Variants in GALNT6 observed in about 807,000 individuals in gnomAD.
GALNT6 encodes polypeptide N-acetylgalactosaminyltransferase 6, also known as GalNAc transferase 6.
GALNT6 carries 51 observed loss-of-function variants against 65.9 expected under a neutral mutation model. The ratio of observed to expected loss-of-function variants is 0.77; its 90% CI spans 0.62 to 0.98. The LOEUF (loss-of-function observed/expected upper bound fraction) is 0.98, where lower values mean the gene tolerates loss of function less well. Among genes scored for constraint, GALNT6 ranks in the 50% least tolerant of loss-of-function variants. GALNT6 has a pLI of 0.00. For synonymous variants in GALNT6, 323 were observed against 315.1 expected (o/e 1.02, Z -0.26); for missense variants, 708 against 803.3 (o/e 0.88, Z 1.43).
chr12:51,356,349 T>TTC (rs1451313108), intron 10 of GALNT6, among the ~76,000 whole-genome samples: 1 of 141,970 alleles, frequency 7.0e-6, no homozygotes, highest in Non-Finnish European at 1.5e-5. Context: ...CCAGTATATT[T>TTC]TCTCTTTTTT....
Position 51,354,284 on chromosome 12 carries a change from C to A in GALNT6, c.*95G>T, listed in dbSNP as rs368190948. ...CAGTGGGTTTAGAAATCCATCTTTA[C>A]GGCCTCCAGAGAAGCTGGTGATCAG... On this transcript the variant is annotated 3_prime_UTR_variant, in exon 12 of 12. Coordinates refer to ENST00000356317, the MANE Select transcript of GALNT6 (RefSeq NM_007210.4). 6 of 667,062 alleles carry A rather than the reference C, an allele frequency of 9.0e-6. No individual in the cohort carries two copies. Among genetic ancestry groups the A allele is most frequent in the Non-Finnish European group, 1.5e-5 (6 of 403,794 alleles). The allele number at this position is 667,062 out of a possible 1,614,324, so 41.3% of individuals were successfully genotyped here.
At position 51,357,346 on chromosome 12, in the gene GALNT6, T is replaced by C; in HGVS notation, c.1602+3A>G. The stretch of plus-strand genomic sequence containing the variant: ...ATGCTCCGGAGATGGGTGGGCTGCA[T>C]ACCTGGTTGCCGCCAAGGCCGTGGC... On this transcript the variant is annotated splice_donor_region_variant and intron_variant, in intron 10 of 11. Transcript: ENST00000356317. 1 of 1,595,466 alleles carries C rather than the reference T, an allele frequency of 6.3e-7. No individual in the cohort carries two copies. Among genetic ancestry groups the C allele is most frequent in the African/African-American group, 1.3e-5 (1 of 74,676 alleles).
Position 51,379,838 on chromosome 12 carries a change from T to C in GALNT6, c.-57A>G. 1 of 1,512,510 alleles carries C rather than the reference T, an allele frequency of 6.6e-7. No homozygotes were observed. Among genetic ancestry groups the C allele is most frequent in the Non-Finnish European group, 8.8e-7 (1 of 1,131,676 alleles). 93.7% of individuals were successfully genotyped at this position (1,512,510 alleles called of 1,614,324 possible). A position where few individuals can be genotyped will look rare whatever the true frequency, so the allele number is the denominator to read the frequency against. Reference sequence around the variant, plus strand: ...CAGCTCTGAGTCCTGAGCCCAACCCTGGAGATAGCTTGATACGTTGTGGTG... The same window carrying C: ...CAGCTCTGAGTCCTGAGCCCAACCCCGGAGATAGCTTGATACGTTGTGGTG... On this transcript the variant is annotated 5_prime_UTR_variant, in exon 3 of 12. Transcript: ENST00000356317.
At chr12:51,377,570 T>C (rs536264607) in intron 3 of GALNT6, among the ~76,000 whole-genome samples, 13 of 152,166 alleles carry the variant, frequency 8.5e-5, no homozygotes, top group Non-Finnish European at 1.6e-4. Context: ...GCACAGGTTC[T>C]AGCCAAACCA....
chr12:51,360,471 T>A (rs1009173216), intron 7 of GALNT6, among the ~76,000 whole-genome samples: 18 of 152,118 alleles, frequency 1.2e-4, no homozygotes, highest in Non-Finnish European at 2.1e-4. Context: ...CAGTCCTCAT[T>A]ACCCCTATTA....
intron 10 of GALNT6, among the ~76,000 whole-genome samples, chr12:51,356,463 G>A (rs958034737): frequency 1.4e-5 from 2 of 145,004 alleles, no homozygotes; most frequent in South Asian, 2.2e-4. Flanking sequence ...TTGTTCAAGC[G>A]ATCCTCCATG....
At chr12:51,376,387 A>C (rs1033836283) in intron 4 of GALNT6, among the ~76,000 whole-genome samples, 7 of 151,822 alleles carry the variant, frequency 4.6e-5, no homozygotes, top group South Asian at 2.1e-4. Context: ...TAATCCCAGC[A>C]CTTTGGGAGG....
At chr12:51,368,762 G>A (rs1481446980) in intron 4 of GALNT6, among the ~76,000 whole-genome samples, 3 of 151,856 alleles carry the variant, frequency 2.0e-5, no homozygotes, top group Admixed American at 6.5e-5. Context: ...ATGACATGGC[G>A]CTCATTTATG....
chr12:51,364,948 C>CT (rs1284327124), intron 5 of GALNT6, among the ~76,000 whole-genome samples: 2 of 152,110 alleles, frequency 1.3e-5, no homozygotes, highest in African/African-American at 4.8e-5. Flanking sequence ...ATTCTGACTC[C>CT]AAGACTAGAG....
Position 51,358,285 on chromosome 12 carries a change from A to G in GALNT6, c.1369-24T>C, listed in dbSNP as rs780138478. ...TTCTGTCAATCAAGCCAGCCCCCTA[A>G]GGATCAGTTCCACCAGTTTTTTTTT... On this transcript the variant is annotated intron_variant, in intron 8 of 11. Coordinates refer to ENST00000356317, the MANE Select transcript of GALNT6 (RefSeq NM_007210.4). 2.1e-5 allele frequency: 34 copies of G among 1,607,304 alleles called. 1 individual carries two copies. In the Admixed American group the frequency reaches 5.7e-4, roughly 27 times the overall value.
At chr12:51,357,985 T>C (rs1273764116) in intron 9 of GALNT6, 145 bp downstream of exon 9, 1 of 713,292 alleles carries the variant, frequency 1.4e-6, no homozygotes, top group Non-Finnish European at 2.3e-6. Context: ...AGCCCCAACG[T>C]GGCCTCTCAG....
Position 51,379,703 on chromosome 12 carries a change from G to GGAGGAA in GALNT6, c.73_78dup (p.Phe25_Leu26dup). The GGAGGAA allele has an allele frequency of 1.9e-6, 3 of 1,614,054 alleles. No individual in the cohort carries two copies. Among genetic ancestry groups the GGAGGAA allele is most frequent in the Non-Finnish European group, 2.5e-6 (3 of 1,179,968 alleles). The stretch of plus-strand genomic sequence containing the variant: ...TCTCTGCTGCTCACATCCCTATGCA[G>GGAGGAA]GAGGAAGAGGAAGAGCACAAAGGCG... On this transcript the variant is annotated inframe_insertion, in exon 3 of 12. Coordinates refer to ENST00000356317, the MANE Select transcript of GALNT6 (RefSeq NM_007210.4).
At chr12:51,390,785 T>A (rs1452103638) in intron 2 of GALNT6, 65 bp downstream of exon 2, 1 of 152,340 alleles carries the variant, frequency 6.6e-6, no homozygotes, top group East Asian at 1.9e-4. Context: ...AGAAGGGGTC[T>A]GCTGTAAGCT....
chr12:51,372,163 A>G (rs1031015043), intron 4 of GALNT6, among the ~76,000 whole-genome samples: 6 of 152,150 alleles, frequency 3.9e-5, no homozygotes, highest in African/African-American at 1.2e-4. Flanking sequence ...GGATGCCAGG[A>G]CCCAGAAAAA....
At chr12:51,354,521 C>A in intron 11 of GALNT6, 29 bp from the exon 12 acceptor site, 1 of 1,439,738 alleles carries the variant, frequency 6.9e-7, no homozygotes, top group South Asian at 1.2e-5. Context: ...AAAGGTCAGT[C>A]TGGGCCACAG....
chr12:51,376,882 C>T (rs1947473285), intron 4 of GALNT6, among the ~76,000 whole-genome samples: 1 of 152,134 alleles, frequency 6.6e-6, no homozygotes. Flanking sequence ...GGGTAGGAAA[C>T]AGAGGTGAAG....
rs904390238 is a variant in GALNT6 at position 51,379,366 on chromosome 12, T to C, written c.416A>G (p.Lys139Arg). The change falls in exon 3 of 12, where the codon AAG (lysine) becomes AGG (arginine). Residue 139 changes from lysine (K) to arginine (R), a missense_variant. Transcript: ENST00000356317. ...ETQEKEEGYK[K>R]HCFNAFASDR... ...GCTGGCAAAGGCATTGAAACAGTGC[T>C]TCTTATAGCCTTCTTCCTTTTCCTG... The C allele has an allele frequency of 5.1e-6, 8 of 1,564,800 alleles. No individual in the cohort carries two copies. In the Admixed American group the frequency reaches 1.2e-4, roughly 23 times the overall value.
chr12:51,359,134 C>T lies in GALNT6; in HGVS notation c.1366G>A (p.Glu456Lys), dbSNP rs778290460. 2 of 1,612,942 alleles carry T rather than the reference C, an allele frequency of 1.2e-6. No individual in the cohort carries two copies. Among genetic ancestry groups the T allele is most frequent in the Admixed American group, 1.7e-5 (1 of 60,030 alleles). ...CTCCGAGAACCATTTCCTCTCACCTCTTGGGCCATCTTTGCTGCCTGCAGA... is the reference window on the plus strand; with the variant it reads ...CTCCGAGAACCATTTCCTCTCACCTTTTGGGCCATCTTTGCTGCCTGCAGA... The part of the protein sequence containing the change: ...RNLQAAKMAQ[E>K]KSFGDISERL... Residue 456 changes from glutamate to lysine, a missense_variant and splice_region_variant, in exon 8 of 12, where the codon GAG (glutamate) becomes AAG (lysine). Transcript: ENST00000356317.
rs201588286 is a variant in GALNT6 at position 51,377,377 on chromosome 12, T to C, written c.492-10A>G. ...CTTCTGGTCCACACACCTGGAAGTA[T>C]GAAAGTACGGACAAAGTTCTCCTGG... On this transcript the variant is annotated splice_polypyrimidine_tract_variant and intron_variant, in intron 3 of 11. Coordinates refer to ENST00000356317, the MANE Select transcript of GALNT6 (RefSeq NM_007210.4). 5,905 of 1,611,724 alleles carry C rather than the reference T, an allele frequency of 3.7e-3. 19 individuals are homozygous for C. The highest frequency in any genetic ancestry group is 0.016 in the Middle Eastern group (70 of 4,516).
Sources: gnomAD v4.1 joint callset for allele counts (sites outside exome capture counted in the v4.1 genomes callset) on GRCh38, gnomAD v4.1.1 for gene constraint, MANE v1.5 for transcripts, NCBI Gene and HGNC (gene_info 2026-07-23, HGNC 2026-07-21) for gene names.